Variants in KLHL5 observed in about 807,000 individuals in gnomAD.
KLHL5 encodes kelch-like protein 5.
In KLHL5, 48 loss-of-function variants were observed where a neutral mutation model predicts 77.7. The observed-to-expected ratio is 0.62, with a 90% confidence interval of 0.49 to 0.79. KLHL5 has a LOEUF of 0.79. Ranked by LOEUF, KLHL5 falls within the 30% of genes least tolerant of loss-of-function variation. The pLI is 0.00. For synonymous variants in KLHL5, 260 were observed against 297.0 expected (o/e 0.88, Z 1.28); for missense variants, 723 against 859.7 (o/e 0.84, Z 1.99).
At chr4:39,044,957 C>G (rs1716029646), upstream of KLHL5, 1 of 833,666 alleles carries the variant, frequency 1.2e-6, no homozygotes, top group East Asian at 2.7e-4. Flanking sequence ...GGGGATGAGG[C>G]TGCCCGGACA....
chr4:39,076,121 TG>T lies in KLHL5; in HGVS notation c.542del (p.Gly181ValfsTer35), dbSNP rs1238904988. 2 of 1,604,874 alleles carry T rather than the reference TG, an allele frequency of 1.2e-6. No individual in the cohort carries two copies. The highest frequency in any genetic ancestry group is 1.7e-6 in the Non-Finnish European group (2 of 1,177,902). ...KQLCDVILVA[G>X]DRRIPAHRLV... is the part of the protein sequence containing the mutation. The stretch of plus-strand genomic sequence containing the variant: ...AGTTGTGTGATGTAATTTTAGTCGC[TG>T]GTGATCGCAGAATTCCAGCTCACAG... On this transcript the variant is annotated frameshift_variant, in exon 2 of 11. Transcript: ENST00000504108. LOFTEE classifies it high-confidence loss of function.
chr4:39,104,866 A>G (rs1037174751), intron 7 of KLHL5, among the ~76,000 whole-genome samples: 1 of 152,094 alleles, frequency 6.6e-6, no homozygotes, highest in Non-Finnish European at 1.5e-5. Flanking sequence ...CCCGGGTTCA[A>G]GTGATTCCCC....
chr4:39,133,056 A>G, the KLHL5 span, among the ~76,000 whole-genome samples: 1 of 152,164 alleles, frequency 6.6e-6, no homozygotes, highest in Non-Finnish European at 1.5e-5. Flanking sequence ...TCTGACCATA[A>G]TAAAATAATA....
At position 39,062,803 on chromosome 4, in the gene KLHL5, A is replaced by G; in HGVS notation, c.151A>G (p.Arg51Gly). 6.2e-7 allele frequency: 1 copy of G among 1,614,136 alleles called. No homozygotes were observed. The highest frequency in any genetic ancestry group is 1.3e-5 in the African/African-American group (1 of 75,044). The change falls in exon 1 of 11, where the codon AGA becomes GGA. Residue 51 changes from arginine to glycine, a missense_variant. By Grantham distance (125) the Arg-to-Gly change is moderately radical. Around this residue, in one of 3 missense-constraint regions of KLHL5, gnomAD observed 221 missense variants for 222.1 expected, o/e 1.00. Transcript: ENST00000504108. Reference protein sequence around the residue: ...NRGQTGANGGRKFLDPCSLQL... With the variant: ...NRGQTGANGGGKFLDPCSLQL... ...AGGACAGACTGGAGCAAACGGTGGGAGAAAGTTTTTAGATCCATGTAGCCT... is the reference window on the plus strand; with the variant it reads ...AGGACAGACTGGAGCAAACGGTGGGGGAAAGTTTTTAGATCCATGTAGCCT...
chr4:39,130,387 G>T (rs1441602698), downstream of KLHL5, among the ~76,000 whole-genome samples: 1 of 152,156 alleles, frequency 6.6e-6, no homozygotes, highest in African/African-American at 2.4e-5. Context: ...GCAGTATTCT[G>T]CCCTAGGTGG....
chr4:39,114,715 T>G (rs1722712007), intron 9 of KLHL5, among the ~76,000 whole-genome samples: 1 of 152,162 alleles, frequency 6.6e-6, no homozygotes, highest in Non-Finnish European at 1.5e-5. Flanking sequence ...TACAACAGAT[T>G]TTAGGGGCAG....
chr4:39,057,237 C>G (rs1332153902), upstream of KLHL5, among the ~76,000 whole-genome samples: 2 of 152,150 alleles, frequency 1.3e-5, no homozygotes, highest in Non-Finnish European at 2.9e-5. Flanking sequence ...ATACCATGCA[C>G]TGTACAGGTT....
At chr4:39,137,359 A>T in the KLHL5 span, among the ~76,000 whole-genome samples, 1 of 151,898 alleles carries the variant, frequency 6.6e-6, no homozygotes, top group South Asian at 2.1e-4. Flanking sequence ...ACAAAAAAAA[A>T]AAGAATGATC....
the KLHL5 span, among the ~76,000 whole-genome samples, chr4:39,140,747 A>G: frequency 5.9e-5 from 9 of 152,226 alleles, no homozygotes; most frequent in South Asian, 2.1e-4. Context: ...AGAATTGCCA[A>G]TGAAGGTTCT....
Position 39,062,602 on chromosome 4 carries a change from T to C in KLHL5, c.-51T>C. 1 of 1,614,198 alleles carries C rather than the reference T, an allele frequency of 6.2e-7. No homozygotes were observed. The highest frequency in any genetic ancestry group is 8.5e-7 in the Non-Finnish European group (1 of 1,180,006). On this transcript the variant is annotated 5_prime_UTR_variant, in exon 1 of 11. Coordinates refer to ENST00000504108, the MANE Select transcript of KLHL5 (RefSeq NM_015990.5). Reference sequence around the variant, plus strand: ...TGTCTTGGTTGGATGCACAAATCTGTGTGCAGTGCTTTTTGCCCGTTGCCT... The same window carrying C: ...TGTCTTGGTTGGATGCACAAATCTGCGTGCAGTGCTTTTTGCCCGTTGCCT...
chr4:39,049,767 G>T (rs1716492474), intron 1 of KLHL5, among the ~76,000 whole-genome samples: 1 of 151,900 alleles, frequency 6.6e-6, no homozygotes, highest in South Asian at 2.1e-4. Flanking sequence ...TGTTAGGCCT[G>T]TGAGGATAAA....
chr4:39,077,241 G>A (rs915579326), intron 2 of KLHL5, among the ~76,000 whole-genome samples: 20 of 152,002 alleles, frequency 1.3e-4, no homozygotes, highest in African/African-American at 4.3e-4. Flanking sequence ...GGCAGATCAC[G>A]AGGTCAGGAG....
Position 39,113,008 on chromosome 4 carries a change from T to C in KLHL5, c.1689-12T>C, listed in dbSNP as rs771975111. 1.2e-6 allele frequency: 2 copies of C among 1,608,418 alleles called. No homozygotes were observed. Among genetic ancestry groups the C allele is most frequent in the South Asian group, 1.1e-5 (1 of 90,872 alleles). On this transcript the variant is annotated splice_polypyrimidine_tract_variant and intron_variant, in intron 8 of 10. Transcript: ENST00000504108. ...CATGTCTTATTTATCATTTCATATA[T>C]TCTTTTTGCAGACTTTATGCAGTTG...
intron 1 of KLHL5, 79 bp from the exon 2 acceptor site, chr4:39,075,886 G>T (rs1160626841): frequency 8.8e-7 from 1 of 1,136,240 alleles, no homozygotes; most frequent in African/African-American, 1.6e-5. Context: ...ACATTTGAAG[G>T]CTTTCAAAAG....
chr4:39,113,215 C>T lies in KLHL5; in HGVS notation c.1884C>T (p.Leu628=). The T allele has an allele frequency of 1.9e-6, 3 of 1,613,618 alleles. No homozygotes were observed. Among genetic ancestry groups the T allele is most frequent in the Non-Finnish European group, 1.7e-6 (2 of 1,179,706 alleles). ...DAPASNLTSR[L]SDCVERYDPK... ...CCGCATCCAACTTGACTTCCAGACT[C>T]TCAGACTGTGTGGAAAGGTAATTTC... is the stretch of plus-strand genomic sequence containing the variant. The change falls in exon 9 of 11, where the codon CTC becomes CTT. Residue 628 remains leucine, a synonymous_variant. Transcript: ENST00000504108.
intron 5 of KLHL5, among the ~76,000 whole-genome samples, chr4:39,092,835 G>A (rs183473978): frequency 6.6e-6 from 1 of 152,276 alleles, no homozygotes; most frequent in East Asian, 1.9e-4. Context: ...CTTCCCGAAT[G>A]GCTAAAATAG....
Position 39,125,937 on chromosome 4 carries a change from A to T in KLHL5, c.*4871A>T, listed in dbSNP as rs1475543657. Among the ~76,000 whole-genome samples, 2 of 152,248 alleles carry T rather than the reference A, an allele frequency of 1.3e-5. No homozygotes were observed. Among genetic ancestry groups the T allele is most frequent in the Admixed American group, 1.3e-4 (2 of 15,278 alleles). On this transcript the variant is annotated 3_prime_UTR_variant, in exon 11 of 11. Transcript: ENST00000504108. ...ACTAGGATAAAAACTTCGGATTTATATGCATCTGGAAGAGAAATTTTTCAC... is the reference window on the plus strand; with the variant it reads ...ACTAGGATAAAAACTTCGGATTTATTTGCATCTGGAAGAGAAATTTTTCAC...
chr4:39,065,897 A>C (rs1259308926), intron 1 of KLHL5, among the ~76,000 whole-genome samples: 1 of 152,210 alleles, frequency 6.6e-6, no homozygotes, highest in Non-Finnish European at 1.5e-5. Context: ...AAGACAGCTA[A>C]GTGGTCTTAC....
In KLHL5 at chr4:39,070,577, A is replaced by T. The variant is rs376488887; in HGVS notation, c.384-5388A>T. On this transcript the variant is annotated intron_variant, in intron 1 of 10. Coordinates refer to ENST00000504108, the MANE Select transcript of KLHL5 (RefSeq NM_015990.5). Reference sequence around the variant, plus strand: ...TTGAGGGGTTTTGATTTGTATTTTCAAAGTCATTTCAGGAACATTTCTATT... The same window carrying T: ...TTGAGGGGTTTTGATTTGTATTTTCTAAGTCATTTCAGGAACATTTCTATT... Among the ~76,000 whole-genome samples, 39 of 152,250 alleles carry T rather than the reference A, an allele frequency of 2.6e-4. 1 individual carries two copies. In the South Asian group the frequency reaches 7.7e-3, roughly 30 times the overall value.
Sources: allele counts gnomAD v4.1 joint callset (sites outside exome capture counted in the v4.1 genomes callset), GRCh38; gene constraint gnomAD v4.1.1; regional missense constraint gnomAD v4.1.1; transcripts MANE v1.5; gene names NCBI Gene and HGNC (gene_info 2026-07-23, HGNC 2026-07-21).